Variants in RCAN2 observed in about 807,000 individuals in gnomAD.
The protein encoded by RCAN2 is regulator of calcineurin 2.
In RCAN2, 9 loss-of-function variants were observed where a neutral mutation model predicts 23.6. The observed-to-expected ratio is 0.38, with a 90% confidence interval of 0.23 to 0.67. The LOEUF is 0.67. Ranked by LOEUF, RCAN2 falls within the 30% of genes least tolerant of loss-of-function variation. The pLI, the probability that RCAN2 is intolerant of heterozygous loss-of-function variation, is 0.51. For missense variants in RCAN2, 273 were observed against 302.3 expected (o/e 0.90, Z 0.72); for synonymous variants, 109 against 115.7 (o/e 0.94, Z 0.37).
At chr6:46,417,028 A>G (rs765930135) in intron 2 of RCAN2, among the ~76,000 whole-genome samples, 18 of 152,050 alleles carry the variant, frequency 1.2e-4, no homozygotes, top group Non-Finnish European at 2.2e-4. Flanking sequence ...TTTCTTCCAT[A>G]CTTATTTTGC....
At chr6:46,395,133 C>G (rs1766050895) in intron 2 of RCAN2, among the ~76,000 whole-genome samples, 2 of 152,074 alleles carry the variant, frequency 1.3e-5, no homozygotes, top group South Asian at 4.1e-4. Flanking sequence ...GCCTTGACAT[C>G]AAGTAGGCAT....
intron 2 of RCAN2, among the ~76,000 whole-genome samples, chr6:46,348,041 T>G (rs1764540898): frequency 6.6e-6 from 1 of 152,198 alleles, no homozygotes; most frequent in Non-Finnish European, 1.5e-5. Flanking sequence ...TACTACATTG[T>G]GATTTAAATG....
intron 2 of RCAN2, among the ~76,000 whole-genome samples, chr6:46,449,938 C>T (rs1207179560): frequency 6.6e-6 from 1 of 151,786 alleles, no homozygotes; most frequent in African/African-American, 2.4e-5. Context: ...ACCCCAAAAG[C>T]ACAGGCAACA....
At chr6:46,325,871 C>T (rs994850076) in intron 2 of RCAN2, 18 of 985,144 alleles carry the variant, frequency 1.8e-5, no homozygotes, top group Non-Finnish European at 2.0e-5. Context: ...TTGTTGCAGC[C>T]GAGTGCTTAT....
intron 2 of RCAN2, among the ~76,000 whole-genome samples, chr6:46,310,242 G>A (rs1316580233): frequency 1.3e-5 from 2 of 152,008 alleles, no homozygotes; most frequent in East Asian, 1.9e-4. Flanking sequence ...ATAATTGCCT[G>A]GAATAATTGT....
At chr6:46,382,585 C>A (rs1765639899) in intron 2 of RCAN2, among the ~76,000 whole-genome samples, 1 of 152,162 alleles carries the variant, frequency 6.6e-6, no homozygotes, top group African/African-American at 2.4e-5. Flanking sequence ...CAAGAAAGAA[C>A]AACAACACCA....
intron 2 of RCAN2, among the ~76,000 whole-genome samples, chr6:46,436,524 A>G (rs1383417518): frequency 1.3e-5 from 2 of 152,158 alleles, no homozygotes; most frequent in African/African-American, 2.4e-5. Flanking sequence ...CCAGAGTCCC[A>G]TGAGTTTTAA....
At chr6:46,353,547 G>A (rs1028107066) in intron 2 of RCAN2, among the ~76,000 whole-genome samples, 7 of 152,140 alleles carry the variant, frequency 4.6e-5, no homozygotes, top group Admixed American at 1.3e-4. Context: ...TTAAGTTCTT[G>A]TACCCTGACT....
At chr6:46,409,838 C>T (rs183716806) in intron 2 of RCAN2, among the ~76,000 whole-genome samples, 151 of 152,144 alleles carry the variant, frequency 9.9e-4, no homozygotes, top group Non-Finnish European at 1.7e-3. Flanking sequence ...TAAGGGATGC[C>T]CAGATAGCTG....
chr6:46,405,952 G>A (rs957836065), intron 2 of RCAN2, among the ~76,000 whole-genome samples: 6 of 152,212 alleles, frequency 3.9e-5, no homozygotes, highest in Non-Finnish European at 7.3e-5. Flanking sequence ...CGAGCACAGC[G>A]CCGGTGGGTT....
intron 1 of RCAN2, among the ~76,000 whole-genome samples, chr6:46,460,949 T>C (rs1038227798): frequency 1.3e-5 from 2 of 152,200 alleles, no homozygotes; most frequent in Non-Finnish European, 2.9e-5. Flanking sequence ...AAATGAAAGA[T>C]AGCAAGAATC....
At chr6:46,248,465 T>C (rs184667492) in intron 3 of RCAN2, among the ~76,000 whole-genome samples, 60 of 81,864 alleles carry the variant, frequency 7.3e-4, no homozygotes, top group Admixed American at 2.0e-3. Context: ...GTGTAGATCT[T>C]GATCATCCCC....
chr6:46,231,377 T>C (rs375069016), intron 4 of RCAN2, among the ~76,000 whole-genome samples: 12 of 151,808 alleles, frequency 7.9e-5, no homozygotes, highest in African/African-American at 2.7e-4. Flanking sequence ...GGTGAGTCTA[T>C]AAATTTTTGT....
intron 2 of RCAN2, among the ~76,000 whole-genome samples, chr6:46,385,971 CATG>C (rs1334973658): frequency 6.6e-5 from 10 of 150,592 alleles, no homozygotes; most frequent in African/African-American, 2.4e-4. Flanking sequence ...GCAAAGATTT[CATG>C]ATGAAAATGC....
chr6:46,232,520 G>T (rs907087618), intron 4 of RCAN2, among the ~76,000 whole-genome samples: 1 of 151,980 alleles, frequency 6.6e-6, no homozygotes, highest in African/African-American at 2.4e-5. Flanking sequence ...GGTCGGGCGT[G>T]GTGTCTCATG....
chr6:46,243,055 A>G (rs1766360523), intron 4 of RCAN2, among the ~76,000 whole-genome samples: 1 of 152,202 alleles, frequency 6.6e-6, no homozygotes, highest in Admixed American at 6.5e-5. Context: ...GCAAAGTGAC[A>G]GGAGGAGACT....
chr6:46,271,237 A>G (rs1397357676), intron 2 of RCAN2, among the ~76,000 whole-genome samples: 1 of 152,152 alleles, frequency 6.6e-6, no homozygotes, highest in African/African-American at 2.4e-5. Context: ...GAGGCTTGAC[A>G]GGGCTGAAAT....
At chr6:46,340,994 A>C (rs570164431) in intron 2 of RCAN2, among the ~76,000 whole-genome samples, 2 of 152,218 alleles carry the variant, frequency 1.3e-5, no homozygotes, top group African/African-American at 4.8e-5. Context: ...CAAGGGAGAA[A>C]ACTGAGCTTA....
At chr6:46,247,933 A>G (rs1766576889) in intron 3 of RCAN2, among the ~76,000 whole-genome samples, 1 of 152,220 alleles carries the variant, frequency 6.6e-6, no homozygotes, top group African/African-American at 2.4e-5. Flanking sequence ...AGACGAGGAA[A>G]CTGAGGTTTG....
Sources: gnomAD v4.1 joint callset for allele counts (sites outside exome capture counted in the v4.1 genomes callset) on GRCh38, gnomAD v4.1.1 for gene constraint, MANE v1.5 for transcripts, NCBI Gene and HGNC (gene_info 2026-07-23, HGNC 2026-07-21) for gene names.